Variants in ATP2B2 observed in about 807,000 individuals in gnomAD.
ATP2B2 encodes the protein plasma membrane calcium-transporting ATPase 2.
A neutral mutation model predicts 120.0 loss-of-function variants in ATP2B2; 15 were observed. That is an observed-to-expected ratio of 0.12 (90% CI 0.08 to 0.19). The LOEUF is 0.19. Among genes scored for constraint, ATP2B2 ranks in the 10% least tolerant of loss-of-function variants. The pLI is 1.00. For missense variants in ATP2B2, 1,045 were observed against 1,719.8 expected, an observed-to-expected ratio of 0.61 and a Z score of 6.94; for synonymous variants, 694 against 700.3, an observed-to-expected ratio of 0.99 and a Z score of 0.14.
chr3:10,692,064 T>G (rs1464192408), intron 1 of ATP2B2, among the ~76,000 whole-genome samples: 1 of 152,174 alleles, frequency 6.6e-6, no homozygotes, highest in Non-Finnish European at 1.5e-5. Flanking sequence ...TTGAGAAAGT[T>G]TTTACGAATT....
At chr3:10,527,745 C>T (rs1020808060) in intron 3 of ATP2B2, among the ~76,000 whole-genome samples, 17 of 152,238 alleles carry the variant, frequency 1.1e-4, no homozygotes, top group Non-Finnish European at 2.2e-4. Flanking sequence ...GCCTCCCATA[C>T]CTGGCCAGAG....
In ATP2B2 at chr3:10,355,941, A is replaced by G. The variant is rs532417763; in HGVS notation, c.2136+2750T>C. 3.5e-3 allele frequency among the ~76,000 whole-genome samples: 266 copies of G among 75,902 alleles called. 47 individuals carry two copies. The highest frequency in any genetic ancestry group is 5.6e-3 in the Non-Finnish European group (221 of 39,754). 49.8% of individuals were successfully genotyped at this position (75,902 alleles called of 152,430 possible). On this transcript the variant is annotated intron_variant, in intron 14 of 22. Transcript: ENST00000360273. The stretch of plus-strand genomic sequence containing the variant: ...ATACAAAAAATTAGCCGGGCGTGGT[A>G]GCGGGCGCCTGTAGTCCCAGCTACT...
intron 2 of ATP2B2, among the ~76,000 whole-genome samples, chr3:10,425,171 G>A (rs549570709): frequency 2.6e-5 from 4 of 151,776 alleles, no homozygotes; most frequent in African/African-American, 7.3e-5. Context: ...TTAGCTGGGC[G>A]TGGTTGTGCA....
chr3:10,489,796 T>G (rs2065865664), intron 1 of ATP2B2, among the ~76,000 whole-genome samples: 1 of 152,190 alleles, frequency 6.6e-6, no homozygotes. Context: ...CTCCAACCCA[T>G]TATCCTCACT....
intron 3 of ATP2B2, among the ~76,000 whole-genome samples, chr3:10,408,946 A>G (rs2062512988): frequency 6.6e-6 from 1 of 152,092 alleles, no homozygotes; most frequent in Non-Finnish European, 1.5e-5. Flanking sequence ...TGGTTTTGCT[A>G]CTTTCTAGCT....
intron 1 of ATP2B2, among the ~76,000 whole-genome samples, chr3:10,497,871 A>C (rs2066219216): frequency 6.6e-6 from 1 of 152,294 alleles, no homozygotes; most frequent in African/African-American, 2.4e-5. Context: ...TGATTGTTTC[A>C]GAGTGGACAC....
At chr3:10,610,766 T>G in intron 2 of ATP2B2, among the ~76,000 whole-genome samples, 1 of 152,146 alleles carries the variant, frequency 6.6e-6, no homozygotes, top group East Asian at 1.9e-4. Context: ...TATAAAGATT[T>G]GGGAAGGAAA....
At chr3:10,504,629 G>C (rs925609666) in intron 1 of ATP2B2, among the ~76,000 whole-genome samples, 1 of 152,066 alleles carries the variant, frequency 6.6e-6, no homozygotes, top group Non-Finnish European at 1.5e-5. Context: ...TAGCTACTTG[G>C]CTAGAAAGGG....
rs73131230 is a variant in ATP2B2, at chr3:10,380,376, G to A, written c.1001-1092C>T. Among the ~76,000 whole-genome samples the A allele has an allele frequency of 2.7e-3, 411 of 152,332 alleles. 2 individuals carry two copies. Among genetic ancestry groups the A allele is most frequent in the African/African-American group, 9.4e-3 (389 of 41,578 alleles). ...CCTTGGGAGGGGTCTGAGAAGGTTG[G>A]CCACCCTTGGATGATGGCTGCAATG... On this transcript the variant is annotated intron_variant, in intron 8 of 22. Transcript: ENST00000360273.
intron 22 of ATP2B2, chr3:10,332,224 T>G (rs907548429): frequency 1.2e-5 from 7 of 586,668 alleles, no homozygotes; most frequent in Non-Finnish European, 2.2e-5. Flanking sequence ...CTCCTTGCCC[T>G]AGGAGTCGTC....
At chr3:10,399,879 G>A (rs1045895924) in intron 5 of ATP2B2, among the ~76,000 whole-genome samples, 9 of 152,196 alleles carry the variant, frequency 5.9e-5, no homozygotes, top group Admixed American at 3.9e-4. Flanking sequence ...TCCTTCCTTG[G>A]CTTTCTCACA....
intron 1 of ATP2B2, among the ~76,000 whole-genome samples, chr3:10,497,559 T>G (rs1436199985): frequency 6.6e-6 from 1 of 152,218 alleles, no homozygotes; most frequent in Non-Finnish European, 1.5e-5. Context: ...TAATTTTACT[T>G]AATCCTCACA....
At chr3:10,426,729 A>AT (rs2063157230) in intron 2 of ATP2B2, among the ~76,000 whole-genome samples, 1 of 152,234 alleles carries the variant, frequency 6.6e-6, no homozygotes, top group Non-Finnish European at 1.5e-5. Context: ...AATAAACGCC[A>AT]GGAAAGCGGA....
chr3:10,585,327 C>G (rs71316405), intron 2 of ATP2B2, among the ~76,000 whole-genome samples: 1 of 124,000 alleles, frequency 8.1e-6, no homozygotes, highest in Non-Finnish European at 1.7e-5. Context: ...AACCCCATCT[C>G]TACTAAAAAT....
At chr3:10,641,336 G>C (rs1424967173) in intron 1 of ATP2B2, among the ~76,000 whole-genome samples, 1 of 152,318 alleles carries the variant, frequency 6.6e-6, no homozygotes, top group East Asian at 1.9e-4. Flanking sequence ...TTGATGACAA[G>C]TGAGAGGGCT....
At chr3:10,679,163 C>G (rs752408780) in intron 1 of ATP2B2, among the ~76,000 whole-genome samples, 5 of 152,136 alleles carry the variant, frequency 3.3e-5, no homozygotes, top group Non-Finnish European at 4.4e-5. Context: ...CAGCCACATC[C>G]TGGATTGCAG....
chr3:10,403,953 C>A (rs1358747784), intron 3 of ATP2B2, among the ~76,000 whole-genome samples: 1 of 152,234 alleles, frequency 6.6e-6, no homozygotes, highest in Non-Finnish European at 1.5e-5. Context: ...TCCAGTCTGT[C>A]TCAAGGAACA....
chr3:10,535,744 A>G (rs1002353960), intron 2 of ATP2B2, among the ~76,000 whole-genome samples: 1 of 152,126 alleles, frequency 6.6e-6, no homozygotes, highest in African/African-American at 2.4e-5. Context: ...ACGTGGATGC[A>G]TTACAGGTTG....
intron 2 of ATP2B2, among the ~76,000 whole-genome samples, chr3:10,414,026 A>G (rs936333080): frequency 1.3e-5 from 2 of 152,212 alleles, no homozygotes; most frequent in Non-Finnish European, 2.9e-5. Context: ...GGAGTGTTCA[A>G]TAAGATGGGT....
Sources: gnomAD v4.1 joint callset for allele counts (sites outside exome capture counted in the v4.1 genomes callset) on GRCh38, gnomAD v4.1.1 for gene constraint, MANE v1.5 for transcripts, NCBI Gene and HGNC (gene_info 2026-07-23, HGNC 2026-07-21) for gene names.